RFTN1: variants seen among roughly 807,000 people sequenced by gnomAD.
RFTN1 encodes the protein raftlin.
In RFTN1, 26 loss-of-function variants were observed where a neutral mutation model predicts 46.5. The observed-to-expected ratio is 0.56, with a 90% CI of 0.41 to 0.78. The LOEUF is 0.78. Ranked by LOEUF, RFTN1 falls within the 30% of genes least tolerant of loss-of-function variation. The pLI is 0.00. For missense variants in RFTN1, 693 were observed against 718.7 expected, an observed-to-expected ratio of 0.96 and a Z score of 0.41; for synonymous variants, 261 against 284.2, an observed-to-expected ratio of 0.92 and a Z score of 0.82.
chr3:16,503,921 TG>T (rs1343218150), intron 1 of RFTN1, among the ~76,000 whole-genome samples: 1 of 152,244 alleles, frequency 6.6e-6, no homozygotes, highest in Non-Finnish European at 1.5e-5. Context: ...TTACCTTATT[TG>T]CTTCAGATAG....
At chr3:16,505,438 T>C (rs1272817034) in intron 1 of RFTN1, among the ~76,000 whole-genome samples, 1 of 151,450 alleles carries the variant, frequency 6.6e-6, no homozygotes, top group African/African-American at 2.4e-5. Flanking sequence ...ACCAGTCAGA[T>C]GTGTGTGTGT....
At chr3:16,330,937 CTCT>C (rs764841541) in intron 7 of RFTN1, among the ~76,000 whole-genome samples, 1 of 152,232 alleles carries the variant, frequency 6.6e-6, no homozygotes, top group Non-Finnish European at 1.5e-5. Context: ...TGTCAGTTTG[CTCT>C]TCTTTTCTCC....
intron 7 of RFTN1, among the ~76,000 whole-genome samples, chr3:16,347,360 C>T (rs762542522): frequency 2.8e-4 from 43 of 152,354 alleles, no homozygotes; most frequent in Non-Finnish European, 5.6e-4. Context: ...AAATTTCTCA[C>T]AGTTCTGGAA....
In RFTN1 at chr3:16,346,439, TC is replaced by T. The variant is rs1300093140; in HGVS notation, c.1146+11492del. The T allele has an allele frequency of 1.3e-5, 2 of 152,166 alleles. No homozygotes were observed. The highest frequency in any genetic ancestry group is 2.4e-5 in the African/African-American group (1 of 41,436). The allele number at this position is 152,166 out of a possible 1,614,324, so 9.4% of individuals were successfully genotyped here. On this transcript the variant is annotated intron_variant, in intron 7 of 9. Coordinates refer to ENST00000334133, the MANE Select transcript of RFTN1 (RefSeq NM_015150.2). The surrounding 1 kb of genome is among the most constrained non-coding windows in gnomAD (Gnocchi z 4.4). ...AGATAAAGATTAAAGGTCAAATACT[TC>T]CTTTTGTCATCTCATTATCCAAACC...
rs1165905115 is a variant in RFTN1 at position 16,422,932 on chromosome 3, C to T, written c.332+10919G>A. 5.3e-5 allele frequency among the ~76,000 whole-genome samples: 8 copies of T among 151,684 alleles called. No individual in the cohort carries two copies. Among genetic ancestry groups the T allele is most frequent in the East Asian group, 1.9e-4 (1 of 5,152 alleles). The stretch of plus-strand genomic sequence containing the variant: ...CTGTAATCCCAGCACTTTGGGAGGC[C>T]GAAGTGGGTGGATCATGAGGTCAGG... On this transcript the variant is annotated intron_variant, in intron 3 of 9. Transcript: ENST00000334133. The surrounding 1 kb of genome is among the most constrained non-coding windows in gnomAD (Gnocchi z 4.6).
At chr3:16,386,422 T>A (rs2074176767) in intron 4 of RFTN1, among the ~76,000 whole-genome samples, 1 of 152,192 alleles carries the variant, frequency 6.6e-6, no homozygotes, top group Non-Finnish European at 1.5e-5. Context: ...TTCATCCCTA[T>A]CTTACAGATT....
intron 1 of RFTN1, among the ~76,000 whole-genome samples, chr3:16,510,628 A>G (rs2125017635): frequency 6.6e-6 from 1 of 152,336 alleles, no homozygotes. Context: ...GATAGGAAAG[A>G]CAGGGCTGTA....
At chr3:16,393,040 C>A (rs1371043029) in intron 4 of RFTN1, among the ~76,000 whole-genome samples, 1 of 149,246 alleles carries the variant, frequency 6.7e-6, no homozygotes, top group Non-Finnish European at 1.5e-5. Flanking sequence ...TGCTAAATGA[C>A]CTATTCTGAG....
rs1254237973 is a variant in RFTN1, at chr3:16,322,997, C to G, written c.1332+379G>C. On this transcript the variant is annotated intron_variant, in intron 9 of 9. Coordinates refer to ENST00000334133, the MANE Select transcript of RFTN1 (RefSeq NM_015150.2). This position sits in a 1 kb window ranked among gnomAD's most constrained non-coding sequence, Gnocchi z 6.2. ...CAGGGCAGGCCAGAGCTCCAACTAG[C>G]TGATAATGAGATTAAGACACAAAGA... Among the ~76,000 whole-genome samples, 1 of 152,168 alleles carries G rather than the reference C, an allele frequency of 6.6e-6. No homozygotes were observed. The highest frequency in any genetic ancestry group is 1.9e-4 in the East Asian group (1 of 5,192).
chr3:16,442,533 C>G lies in RFTN1; in HGVS notation c.146-8496G>C, dbSNP rs2075647951. 6.6e-6 allele frequency among the ~76,000 whole-genome samples: 1 copy of G among 152,148 alleles called. No individual in the cohort carries two copies. The highest frequency in any genetic ancestry group is 1.5e-5 in the Non-Finnish European group (1 of 68,038). On this transcript the variant is annotated intron_variant, in intron 2 of 9. Transcript: ENST00000334133. The surrounding 1 kb of genome is among the most constrained non-coding windows in gnomAD (Gnocchi z 4.1). ...ACTTAGTTCAAATGATTACTACAGT[C>G]AAGAAAACCAACATAACCATCATCT...
At position 16,489,421 on chromosome 3, in the gene RFTN1, A is replaced by G. The variant is rs927657173; in HGVS notation, c.145+4304T>C. Among the ~76,000 whole-genome samples, 7 of 152,154 alleles carry G rather than the reference A, an allele frequency of 4.6e-5. No homozygotes were observed. The highest frequency in any genetic ancestry group is 1.7e-4 in the African/African-American group (7 of 41,408). ...CAACAGAGTGAGACTTCGCTTCAAA[A>G]AAAAATCAGTGATGGAGAGGAGATT... On this transcript the variant is annotated intron_variant, in intron 2 of 9. Coordinates refer to ENST00000334133, the MANE Select transcript of RFTN1 (RefSeq NM_015150.2). This position sits in a 1 kb window ranked among gnomAD's most constrained non-coding sequence, Gnocchi z 4.0.
At chr3:16,496,166 G>C (rs962541083) in intron 1 of RFTN1, among the ~76,000 whole-genome samples, 7 of 152,232 alleles carry the variant, frequency 4.6e-5, no homozygotes, top group African/African-American at 1.7e-4. Flanking sequence ...CTCCAAGAAA[G>C]AGAGGAAGCC....
intron 4 of RFTN1, among the ~76,000 whole-genome samples, chr3:16,398,813 C>G (rs1430651848): frequency 1.3e-5 from 2 of 152,198 alleles, no homozygotes; most frequent in Non-Finnish European, 2.9e-5. Context: ...CAGTCTCTCC[C>G]TGGAACAAAG....
chr3:16,400,514 T>C lies in RFTN1; in HGVS notation c.441+8861A>G, dbSNP rs908906540. Among the ~76,000 whole-genome samples, 6 of 152,256 alleles carry C rather than the reference T, an allele frequency of 3.9e-5. No homozygotes were observed. The highest frequency in any genetic ancestry group is 1.2e-4 in the African/African-American group (5 of 41,462). ...TCTAAGTTTCACGTGTCCAGGGCAT[T>C]ACCTAGACCGGCTTACTAAAGTATT... is the stretch of plus-strand genomic sequence containing the variant. On this transcript the variant is annotated intron_variant, in intron 4 of 9. Coordinates refer to ENST00000334133, the MANE Select transcript of RFTN1 (RefSeq NM_015150.2). The surrounding 1 kb of genome is among the most constrained non-coding windows in gnomAD (Gnocchi z 4.5).
intron 6 of RFTN1, among the ~76,000 whole-genome samples, chr3:16,364,264 G>A (rs1005509343): frequency 5.9e-5 from 9 of 152,212 alleles, no homozygotes; most frequent in Non-Finnish European, 7.3e-5. Context: ...GCAGTTCAAG[G>A]CTTTTCATTG....
At chr3:16,391,869 G>GTTT (rs576052890) in intron 4 of RFTN1, among the ~76,000 whole-genome samples, 7 of 57,708 alleles carry the variant, frequency 1.2e-4, no homozygotes, top group Admixed American at 2.4e-4. Context: ...TTTTTTTTTT[G>GTTT]TTTTTTTTTT....
At position 16,384,892 on chromosome 3, in the gene RFTN1, G is replaced by A. The variant is rs78059779; in HGVS notation, c.442-6790C>T. Among the ~76,000 whole-genome samples the A allele has an allele frequency of 0.042, 6,337 of 152,198 alleles. 178 individuals are homozygous for A. The highest frequency in any genetic ancestry group is 0.061 in the Non-Finnish European group (4,173 of 68,020). On this transcript the variant is annotated intron_variant, in intron 4 of 9. Transcript: ENST00000334133. This position sits in a 1 kb window ranked among gnomAD's most constrained non-coding sequence, Gnocchi z 4.7. ...TAGAACATATCCATCATCATAGAACGTTCTATTGGGTAGCTCTGCTATAGA... is the reference window on the plus strand; with the variant it reads ...TAGAACATATCCATCATCATAGAACATTCTATTGGGTAGCTCTGCTATAGA...
chr3:16,323,325 A>C, intron 9 of RFTN1, 51 bp downstream of exon 9: 1 of 1,347,976 alleles, frequency 7.4e-7, no homozygotes, highest in Non-Finnish European at 1.1e-6. Context: ...AAATCCACTG[A>C]AGATGAAGCC....
At position 16,458,689 on chromosome 3, in the gene RFTN1, C is replaced by T. The variant is rs1045930150; in HGVS notation, c.146-24652G>A. On this transcript the variant is annotated intron_variant, in intron 2 of 9. Coordinates refer to ENST00000334133, the MANE Select transcript of RFTN1 (RefSeq NM_015150.2). This position sits in a 1 kb window ranked among gnomAD's most constrained non-coding sequence, Gnocchi z 5.1. Reference sequence around the variant, plus strand: ...GATGTCAAATTCCAGCAACTAAAAACTCAGATCCACAAAACAGCAAGAAGC... The same window carrying T: ...GATGTCAAATTCCAGCAACTAAAAATTCAGATCCACAAAACAGCAAGAAGC... Among the ~76,000 whole-genome samples, 1 of 152,202 alleles carries T rather than the reference C, an allele frequency of 6.6e-6. No homozygotes were observed. Among genetic ancestry groups the T allele is most frequent in the Admixed American group, 6.5e-5 (1 of 15,280 alleles).
Sources: gnomAD v4.1 joint callset for allele counts (sites outside exome capture counted in the v4.1 genomes callset) on GRCh38, gnomAD v4.1.1 for gene constraint, Gnocchi (gnomAD v3.1) non-coding constraint, MANE v1.5 for transcripts, NCBI Gene and HGNC (gene_info 2026-07-23, HGNC 2026-07-21) for gene names.